The following EPS15 variants were observed in gnomAD, a reference collection of about 807,000 sequenced individuals.
The protein encoded by EPS15 is epidermal growth factor receptor substrate 15.
In EPS15, 72 loss-of-function variants were observed where a neutral mutation model predicts 113.8. The observed-to-expected ratio is 0.63, with a 90% confidence interval of 0.52 to 0.77. The LOEUF is 0.77. Among genes scored for constraint, EPS15 ranks in the 30% least tolerant of loss-of-function variants. EPS15 has a pLI of 0.00. For synonymous variants in EPS15, 344 were observed against 363.4 expected, an observed-to-expected ratio of 0.95 and a Z score of 0.61; for missense variants, 1,048 against 1,045.8, an observed-to-expected ratio of 1.00 and a Z score of -0.03.
At chr1:51,448,959 A>T (rs757396495) in intron 8 of EPS15, among the ~76,000 whole-genome samples, 4 of 152,216 alleles carry the variant, frequency 2.6e-5, no homozygotes, top group Non-Finnish European at 4.4e-5. Context: ...AGGTGTCGCC[A>T]GAAGAATTAC....
intron 21 of EPS15, among the ~76,000 whole-genome samples, chr1:51,386,963 A>C (rs1570158761): frequency 6.6e-6 from 1 of 152,326 alleles, no homozygotes; most frequent in East Asian, 1.9e-4. Context: ...CAGGAAATAC[A>C]GAGAACGACA....
intron 1 of EPS15, among the ~76,000 whole-genome samples, chr1:51,505,758 A>G (rs1644488424): frequency 6.6e-6 from 1 of 152,154 alleles, no homozygotes; most frequent in Non-Finnish European, 1.5e-5. Context: ...GTCTCTTAAT[A>G]AAAGTAAACA....
intron 21 of EPS15, among the ~76,000 whole-genome samples, chr1:51,387,807 C>G (rs369019349): frequency 6.6e-6 from 1 of 152,162 alleles, no homozygotes; most frequent in Non-Finnish European, 1.5e-5. Context: ...CAGGAGCACC[C>G]AGATTCATAA....
chr1:51,478,462 G>A (rs1429610753), intron 2 of EPS15, among the ~76,000 whole-genome samples: 2 of 151,600 alleles, frequency 1.3e-5, no homozygotes, highest in Non-Finnish European at 2.9e-5. Flanking sequence ...TACATTTAAG[G>A]TTAATATTGT....
chr1:51,471,144 C>T (rs746597106), intron 4 of EPS15, among the ~76,000 whole-genome samples: 27 of 152,170 alleles, frequency 1.8e-4, no homozygotes, highest in Non-Finnish European at 3.8e-4. Flanking sequence ...GAATTCAATC[C>T]TTATACAACT....
intron 12 of EPS15, chr1:51,423,813 G>T: frequency 1.4e-6 from 1 of 721,944 alleles, no homozygotes; most frequent in Non-Finnish European, 1.7e-6. Flanking sequence ...CTCACTTGGT[G>T]AAAATCCAAA....
At chr1:51,421,298 T>C (rs951690796) in intron 13 of EPS15, among the ~76,000 whole-genome samples, 3 of 152,160 alleles carry the variant, frequency 2.0e-5, no homozygotes, top group African/African-American at 7.2e-5. Flanking sequence ...AAAATGCTAC[T>C]TTAAATTGTT....
intron 21 of EPS15, among the ~76,000 whole-genome samples, chr1:51,368,097 A>G (rs1383729273): frequency 6.6e-6 from 1 of 152,224 alleles, no homozygotes; most frequent in Non-Finnish European, 1.5e-5. Flanking sequence ...GCGCCACTGC[A>G]CTCCAGCCTG....
intron 8 of EPS15, among the ~76,000 whole-genome samples, chr1:51,456,999 G>A (rs7544990): frequency 3.9e-5 from 6 of 152,020 alleles, no homozygotes; most frequent in South Asian, 2.1e-4. Context: ...TAGAACATGA[G>A]GGGGGGCCAG....
At position 51,517,860 on chromosome 1, in the gene EPS15, C is replaced by A. The variant is rs1644753479; in HGVS notation, c.33+1339G>T. On this transcript the variant is annotated intron_variant, in intron 1 of 24. Transcript: ENST00000371733. ...TTTTACATGAAGCATGTACGTGACT[C>A]CTGGTTTCTGAGAAAACATTTTTTT... Among the ~76,000 whole-genome samples, 3 of 152,176 alleles carry A rather than the reference C, an allele frequency of 2.0e-5. No homozygotes were observed. In the South Asian group the frequency reaches 6.2e-4, roughly 32 times the overall value.
intron 13 of EPS15, among the ~76,000 whole-genome samples, chr1:51,414,668 T>C (rs1048378993): frequency 6.6e-6 from 1 of 151,812 alleles, no homozygotes; most frequent in African/African-American, 2.4e-5. Context: ...CAAAGAAAAA[T>C]ATTCTTTATC....
chr1:51,502,214 AC>A (rs1644425811), intron 1 of EPS15, among the ~76,000 whole-genome samples: 2 of 152,176 alleles, frequency 1.3e-5, no homozygotes, highest in South Asian at 4.1e-4. Context: ...GCAGTAAGCC[AC>A]CATCTCACCA....
At chr1:51,517,979 G>T (rs1437135504) in intron 1 of EPS15, among the ~76,000 whole-genome samples, 3 of 152,086 alleles carry the variant, frequency 2.0e-5, no homozygotes, top group Non-Finnish European at 4.4e-5. Context: ...CTATCCCAGC[G>T]CTAAAGCCTT....
intron 21 of EPS15, among the ~76,000 whole-genome samples, chr1:51,368,099 T>A (rs1339333819): frequency 3.3e-5 from 5 of 151,994 alleles, no homozygotes; most frequent in Non-Finnish European, 7.4e-5. Context: ...GCCACTGCAC[T>A]CCAGCCTGGG....
At chr1:51,487,169 AAAAATT>A (rs1644139745) in intron 1 of EPS15, among the ~76,000 whole-genome samples, 1 of 152,210 alleles carries the variant, frequency 6.6e-6, no homozygotes, top group African/African-American at 2.4e-5. Flanking sequence ...AATTTTATGA[AAAAATT>A]AAAACTAGTA....
intron 21 of EPS15, among the ~76,000 whole-genome samples, chr1:51,385,347 A>T (rs1443576825): frequency 1.3e-5 from 2 of 152,226 alleles, no homozygotes; most frequent in East Asian, 3.8e-4. Flanking sequence ...AGGGAAATAC[A>T]AATCAAAGCA....
At chr1:51,493,522 C>T (rs901203369) in intron 1 of EPS15, among the ~76,000 whole-genome samples, 1 of 134,100 alleles carries the variant, frequency 7.5e-6, no homozygotes, top group Non-Finnish European at 1.6e-5. Context: ...AAGACTCAGT[C>T]TCAAATTAAA....
chr1:51,501,410 T>TA lies in EPS15; in HGVS notation c.33+17788dup, dbSNP rs572862308. Among the ~76,000 whole-genome samples, 404 of 152,076 alleles carry TA rather than the reference T, an allele frequency of 2.7e-3. 1 individual carries two copies. Among genetic ancestry groups the TA allele is most frequent in the Non-Finnish European group, 2.9e-3 (198 of 67,946 alleles). ...CAAAAGCGAAACTCCAACTCTGTCT[T>TA]AAAAAAACAAAAAACACTGTATGTG... On this transcript the variant is annotated intron_variant, in intron 1 of 24. Transcript: ENST00000371733.
At chr1:51,489,001 C>T (rs1316468064) in intron 1 of EPS15, among the ~76,000 whole-genome samples, 1 of 151,790 alleles carries the variant, frequency 6.6e-6, no homozygotes, top group Non-Finnish European at 1.5e-5. Context: ...GGGAAAAATA[C>T]AGCAACACGA....
Sources: allele counts gnomAD v4.1 joint callset (sites outside exome capture counted in the v4.1 genomes callset), GRCh38; gene constraint gnomAD v4.1.1; transcripts MANE v1.5; gene names NCBI Gene and HGNC (gene_info 2026-07-23, HGNC 2026-07-21).